ATP1A1: variants seen among roughly 807,000 people sequenced by gnomAD.
The protein encoded by ATP1A1 is ATPase Na+/K+ transporting subunit alpha 1.
In ATP1A1, 14 loss-of-function variants were observed where a neutral mutation model predicts 114.8. The observed-to-expected ratio is 0.12, with a 90% CI of 0.08 to 0.19. ATP1A1 has a LOEUF of 0.19. ATP1A1 is among the 10% of genes least tolerant of loss of function. The probability of loss-of-function intolerance (pLI) is 1.00; values close to 1 mark genes in which losing one functional copy is unlikely to be tolerated. For synonymous variants in ATP1A1, 471 were observed against 466.3 expected (o/e 1.01, Z -0.13); for missense variants, 524 against 1,290.7 (o/e 0.41, Z 9.10).
At chr1:116,391,001 G>C in intron 10 of ATP1A1, 110 bp downstream of exon 10, 2 of 915,458 alleles carry the variant, frequency 2.2e-6, no homozygotes, top group South Asian at 3.0e-5. Context: ...GTTCACTGTA[G>C]AACACCTGGA....
chr1:116,384,006 TC>T lies in ATP1A1; in HGVS notation c.13-6del. On this transcript the variant is annotated splice_polypyrimidine_tract_variant and splice_region_variant and intron_variant, in intron 1 of 22. Coordinates refer to ENST00000295598, the MANE Select transcript of ATP1A1 (RefSeq NM_000701.8). The surrounding 1 kb of genome is among the most constrained non-coding windows in gnomAD (Gnocchi z 5.1). ...TCATGGCCTCACTTTTCCCACATTC[TC>T]CTACAGGTTGGACGTGATAAGTATG... 1 of 1,611,622 alleles carries T rather than the reference TC, an allele frequency of 6.2e-7. No individual in the cohort carries two copies. Among genetic ancestry groups the T allele is most frequent in the South Asian group, 1.1e-5 (1 of 90,624 alleles).
chr1:116,373,461 C>G lies in ATP1A1; in HGVS notation c.-51C>G, dbSNP rs558131244. On this transcript the variant is annotated 5_prime_UTR_variant, in exon 1 of 23. Coordinates refer to ENST00000295598, the MANE Select transcript of ATP1A1 (RefSeq NM_000701.8). Reference sequence around the variant, plus strand: ...GCCGGGAGCTGCTCTGTGCTTTTCTCTCTGATTCTCCAGCGACAGGACCCG... The same window carrying G: ...GCCGGGAGCTGCTCTGTGCTTTTCTGTCTGATTCTCCAGCGACAGGACCCG... 1.8e-5 allele frequency: 27 copies of G among 1,505,018 alleles called. No homozygotes were observed. The African/African-American group carries it at 3.2e-4, about 18-fold the overall frequency. 93.2% of individuals were successfully genotyped at this position (1,505,018 alleles called of 1,614,324 possible).
intron 14 of ATP1A1, 100 bp downstream of exon 14, chr1:116,396,834 C>G: frequency 7.2e-7 from 1 of 1,380,334 alleles, no homozygotes; most frequent in South Asian, 1.7e-5. Context: ...TCTAGGCTTG[C>G]TCTGAGTAGG....
chr1:116,380,309 A>G (rs943534852), intron 1 of ATP1A1, among the ~76,000 whole-genome samples: 6 of 152,190 alleles, frequency 3.9e-5, no homozygotes, highest in Non-Finnish European at 7.3e-5. Context: ...AGTACCCTCT[A>G]AACTTTTTCA....
rs1175173001 is a variant in ATP1A1 at position 116,401,507 on chromosome 1, C to T, written c.2850-47C>T. On this transcript the variant is annotated intron_variant, in intron 20 of 22. Coordinates refer to ENST00000295598, the MANE Select transcript of ATP1A1 (RefSeq NM_000701.8). The surrounding 1 kb of genome is among the most constrained non-coding windows in gnomAD (Gnocchi z 4.7). ...TTAATGCATAGCATTAGAAGATAAA[C>T]CTTTATTTGCACCTTTTAAGTTTTT... 15 of 1,581,370 alleles carry T rather than the reference C, an allele frequency of 9.5e-6. No homozygotes were observed. Among genetic ancestry groups the T allele is most frequent in the African/African-American group, 5.4e-5 (4 of 74,070 alleles).
Position 116,395,295 on chromosome 1 carries a change from A to T in ATP1A1, c.1836+10A>T. 6.2e-7 allele frequency: 1 copy of T among 1,613,292 alleles called. No homozygotes were observed. The highest frequency in any genetic ancestry group is 8.5e-7 in the Non-Finnish European group (1 of 1,179,656). On this transcript the variant is annotated intron_variant, in intron 13 of 22. Transcript: ENST00000295598. This position sits in a 1 kb window ranked among gnomAD's most constrained non-coding sequence, Gnocchi z 6.4. Reference sequence around the variant, plus strand: ...AAGTGCTGGAATTAAGGTAGTGCCCAGGCGCCTCCTTGGCTTCATCTCTTA... The same window carrying T: ...AAGTGCTGGAATTAAGGTAGTGCCCTGGCGCCTCCTTGGCTTCATCTCTTA...
rs1653779356 is a variant in ATP1A1 at position 116,404,178 on chromosome 1, T to C, written c.3043+203T>C. ...TTTGAGGACTGGTCATGTTTTAGAC[T>C]TTAAAATACAAACCAAGTATGATTT... On this transcript the variant is annotated intron_variant, in intron 22 of 22. Transcript: ENST00000295598. This position sits in a 1 kb window ranked among gnomAD's most constrained non-coding sequence, Gnocchi z 4.8. Among the ~76,000 whole-genome samples, 1 of 152,250 alleles carries C rather than the reference T, an allele frequency of 6.6e-6. No individual in the cohort carries two copies. The highest frequency in any genetic ancestry group is 2.4e-5 in the African/African-American group (1 of 41,470).
At position 116,373,254 on chromosome 1, in the gene ATP1A1, C is replaced by T; in HGVS notation, c.-258C>T. ...GAGGAGGCGCGGGCTGGAGCTGCGG[C>T]GGGGTCTGGGGCGCAGAGCAGCGGC... On this transcript the variant is annotated 5_prime_UTR_variant, in exon 1 of 23. Coordinates refer to ENST00000295598, the MANE Select transcript of ATP1A1 (RefSeq NM_000701.8). The T allele has an allele frequency of 2.8e-6, 1 of 363,070 alleles. No individual in the cohort carries two copies. Among genetic ancestry groups the T allele is most frequent in the East Asian group, 4.2e-5 (1 of 23,912 alleles). The allele number at this position is 363,070 out of a possible 1,614,324, so 22.5% of individuals were successfully genotyped here.
intron 10 of ATP1A1, among the ~76,000 whole-genome samples, chr1:116,391,272 A>G (rs906920524): frequency 3.9e-5 from 6 of 152,194 alleles, no homozygotes; most frequent in Non-Finnish European, 8.8e-5. Flanking sequence ...TGACTCCATA[A>G]TCGTATTTGC....
rs1157463472 is a variant in ATP1A1 at position 116,393,513 on chromosome 1, C to T, written c.1468-18C>T. On this transcript the variant is annotated intron_variant, in intron 11 of 22. Transcript: ENST00000295598. This position sits in a 1 kb window ranked among gnomAD's most constrained non-coding sequence, Gnocchi z 5.0. ...ACATCCAACCATCCAATGTTTATGTCTCAACAATCCTTCACAGTTGTCTAT... is the reference window on the plus strand; with the variant it reads ...ACATCCAACCATCCAATGTTTATGTTTCAACAATCCTTCACAGTTGTCTAT... 2 of 1,601,560 alleles carry T rather than the reference C, an allele frequency of 1.2e-6. No individual in the cohort carries two copies. The highest frequency in any genetic ancestry group is 8.5e-7 in the Non-Finnish European group (1 of 1,171,862).
rs1653126537 is a variant in ATP1A1, at chr1:116,398,545, T to TA, written c.2125-76_2125-75insA. ...AGCAGTGTCTGTAATGAGTGCTCAG[T>TA]GGGGGCATGCATCGCACTATTTCCA... is the stretch of plus-strand genomic sequence containing the variant. On this transcript the variant is annotated intron_variant, in intron 15 of 22. Coordinates refer to ENST00000295598, the MANE Select transcript of ATP1A1 (RefSeq NM_000701.8). The surrounding 1 kb of genome is among the most constrained non-coding windows in gnomAD (Gnocchi z 6.1). 1 of 1,526,020 alleles carries TA rather than the reference T, an allele frequency of 6.6e-7. No homozygotes were observed. The highest frequency in any genetic ancestry group is 8.9e-7 in the Non-Finnish European group (1 of 1,121,248). 94.5% of individuals were successfully genotyped at this position (1,526,020 alleles called of 1,614,324 possible).
chr1:116,389,790 G>T lies in ATP1A1; in HGVS notation c.1023+83G>T. On this transcript the variant is annotated intron_variant, in intron 8 of 22. Coordinates refer to ENST00000295598, the MANE Select transcript of ATP1A1 (RefSeq NM_000701.8). This position sits in a 1 kb window ranked among gnomAD's most constrained non-coding sequence, Gnocchi z 6.9. Reference sequence around the variant, plus strand: ...TTCCGCTATCCTATTCTAAGGTATTGCCAACTTATGTTTTATTCTGGATGT... The same window carrying T: ...TTCCGCTATCCTATTCTAAGGTATTTCCAACTTATGTTTTATTCTGGATGT... 1 of 1,542,792 alleles carries T rather than the reference G, an allele frequency of 6.5e-7. No homozygotes were observed. Among genetic ancestry groups the T allele is most frequent in the Non-Finnish European group, 8.8e-7 (1 of 1,136,244 alleles).
chr1:116,373,347 T>A lies in ATP1A1; in HGVS notation c.-165T>A. The A allele has an allele frequency of 1.7e-6, 1 of 578,058 alleles. No individual in the cohort carries two copies. Among genetic ancestry groups the A allele is most frequent in the Non-Finnish European group, 2.5e-6 (1 of 396,450 alleles). The allele number at this position is 578,058 out of a possible 1,614,324, so 35.8% of individuals were successfully genotyped here. ...GGCGGCAGCAACAGCGGCGGCGGCA[T>A]CGGCCCGAGCCGCCGGCCGCCCTCC... On this transcript the variant is annotated 5_prime_UTR_variant, in exon 1 of 23. Coordinates refer to ENST00000295598, the MANE Select transcript of ATP1A1 (RefSeq NM_000701.8).
chr1:116,403,563 C>T (rs1337072567), intron 21 of ATP1A1, among the ~76,000 whole-genome samples: 1 of 152,216 alleles, frequency 6.6e-6, no homozygotes, highest in African/African-American at 2.4e-5. Flanking sequence ...TGTTCAGTTG[C>T]TCTGGGATGG....
rs368714905 is a variant in ATP1A1 at position 116,403,868 on chromosome 1, C to G, written c.2952-16C>G. ...TGTTCGTGTGCATATAAATTGGTAC[C>G]TTACTCTATTTCCAGACCTACCTGG... is the stretch of plus-strand genomic sequence containing the variant. On this transcript the variant is annotated splice_polypyrimidine_tract_variant and intron_variant, in intron 21 of 22. Coordinates refer to ENST00000295598, the MANE Select transcript of ATP1A1 (RefSeq NM_000701.8). 55 of 1,602,914 alleles carry G rather than the reference C, an allele frequency of 3.4e-5. No homozygotes were observed. The African/African-American group carries it at 6.8e-4, about 20-fold the overall frequency.
chr1:116,394,554 T>A (rs1323311755), intron 12 of ATP1A1, among the ~76,000 whole-genome samples: 1 of 152,094 alleles, frequency 6.6e-6, no homozygotes, highest in Non-Finnish European at 1.5e-5. Context: ...GAAAAGAATG[T>A]CTTACATTAT....
At chr1:116,374,315 C>T (rs779816252) in intron 1 of ATP1A1, 2 of 1,549,492 alleles carry the variant, frequency 1.3e-6, no homozygotes, top group Non-Finnish European at 1.7e-6. Context: ...GAGTTGTCAT[C>T]CGATGGTGGG....
chr1:116,377,886 T>C (rs980590764), intron 1 of ATP1A1, among the ~76,000 whole-genome samples: 2 of 152,230 alleles, frequency 1.3e-5, no homozygotes, highest in African/African-American at 4.8e-5. Flanking sequence ...GTCCAGTACA[T>C]GATAATGTGC....
At position 116,387,268 on chromosome 1, in the gene ATP1A1, T is replaced by C. The variant is rs1247988485; in HGVS notation, c.184-20T>C. On this transcript the variant is annotated intron_variant, in intron 3 of 22. Coordinates refer to ENST00000295598, the MANE Select transcript of ATP1A1 (RefSeq NM_000701.8). The surrounding 1 kb of genome is among the most constrained non-coding windows in gnomAD (Gnocchi z 6.7). ...AAGTGCTGGTACAGTTTGCCTTATT[T>C]ATATTCCACTGCTTCTCAGGGATTA... is the stretch of plus-strand genomic sequence containing the variant. 3 of 1,613,494 alleles carry C rather than the reference T, an allele frequency of 1.9e-6. No individual in the cohort carries two copies. The African/African-American group carries it at 4.0e-5, about 22-fold the overall frequency.
Sources: gnomAD v4.1 joint callset for allele counts (sites outside exome capture counted in the v4.1 genomes callset) on GRCh38, gnomAD v4.1.1 for gene constraint, Gnocchi (gnomAD v3.1) non-coding constraint, MANE v1.5 for transcripts, NCBI Gene and HGNC (gene_info 2026-07-23, HGNC 2026-07-21) for gene names.